The following LAMB4 variants were observed in gnomAD, a reference collection of about 807,000 sequenced individuals.
LAMB4 encodes the protein laminin subunit beta-4.
Under a neutral mutation model 199.2 loss-of-function variants are expected in LAMB4, and 196 were observed. That is an observed-to-expected ratio of 0.98 (90% CI 0.88 to 1.11). The LOEUF is 1.11. Among genes scored for constraint, LAMB4 ranks in the 50% least tolerant of loss-of-function variants. The probability of loss-of-function intolerance (pLI) is 0.00; values close to 1 mark genes in which losing one functional copy is unlikely to be tolerated. For missense variants in LAMB4, 2,080 were observed against 2,171.2 expected (o/e 0.96, Z 0.83); for synonymous variants, 744 against 770.6 (o/e 0.97, Z 0.57).
At chr7:108,124,778 G>T (rs2038721417) in intron 1 of LAMB4, among the ~76,000 whole-genome samples, 1 of 151,906 alleles carries the variant, frequency 6.6e-6, no homozygotes, top group Non-Finnish European at 1.5e-5. Context: ...GCTTTTCCTT[G>T]TGAATCCGTT....
intron 31 of LAMB4, among the ~76,000 whole-genome samples, chr7:108,032,663 G>GC (rs2035079340): frequency 6.6e-6 from 1 of 151,678 alleles, no homozygotes; most frequent in South Asian, 2.1e-4. Context: ...CCCAACCCAG[G>GC]GGCAAGTTTT....
At chr7:108,012,936 A>G in the LAMB4 span, among the ~76,000 whole-genome samples, 2 of 152,150 alleles carry the variant, frequency 1.3e-5, no homozygotes, top group African/African-American at 4.8e-5. Flanking sequence ...ATGGCACTTC[A>G]CATGTGGAGC....
At chr7:108,067,603 GC>G (rs1307729795) in intron 19 of LAMB4, among the ~76,000 whole-genome samples, 1 of 152,218 alleles carries the variant, frequency 6.6e-6, no homozygotes, top group Non-Finnish European at 1.5e-5. Flanking sequence ...TGTGGTGACA[GC>G]ATTGTCCCTT....
rs775993185 is a variant in LAMB4, at chr7:108,104,620, C to A, written c.871-1G>T. On this transcript the variant is annotated splice_acceptor_variant, in intron 8 of 33. Coordinates refer to ENST00000388781, the MANE Select transcript of LAMB4 (RefSeq NM_007356.3). LOFTEE classifies it high-confidence loss of function. ...GCTGACACACACACTGACCGTGAACCTGCATTGTGCAATAAATAGAGCGTT... is the reference window on the plus strand; with the variant it reads ...GCTGACACACACACTGACCGTGAACATGCATTGTGCAATAAATAGAGCGTT... 2.5e-6 allele frequency: 4 copies of A among 1,613,818 alleles called. No homozygotes were observed. The South Asian group carries it at 4.4e-5, about 18-fold the overall frequency.
chr7:108,087,130 G>A (rs1391812935), intron 14 of LAMB4, among the ~76,000 whole-genome samples: 2 of 152,140 alleles, frequency 1.3e-5, no homozygotes, highest in African/African-American at 2.4e-5. Flanking sequence ...TGTCCACGAA[G>A]CCTTCTCTGA....
chr7:108,046,975 C>T (rs1315611014), intron 28 of LAMB4, among the ~76,000 whole-genome samples: 2 of 151,604 alleles, frequency 1.3e-5, no homozygotes, highest in Non-Finnish European at 2.9e-5. Flanking sequence ...CTGTGTTTCC[C>T]AGGCAGGTCT....
At chr7:108,115,899 A>G in intron 3 of LAMB4, 105 bp downstream of exon 3, 1 of 1,246,512 alleles carries the variant, frequency 8.0e-7, no homozygotes, top group Admixed American at 2.2e-5. Flanking sequence ...ATTGTTTAAA[A>G]AGGAAGTTGT....
rs183941652 is a variant in LAMB4, at chr7:108,110,084, C to T, written c.329-840G>A. On this transcript the variant is annotated intron_variant, in intron 4 of 33. Transcript: ENST00000388781. ...TCGCTCTGTCCCCCAGACTGGAGTG[C>T]AGTGGCAGGATCTTGGCTCACTGCA... Among the ~76,000 whole-genome samples, 134 of 152,312 alleles carry T rather than the reference C, an allele frequency of 8.8e-4. 1 individual carries two copies. Among genetic ancestry groups the T allele is most frequent in the African/African-American group, 3.1e-3 (129 of 41,570 alleles).
At chr7:108,020,071 C>T (rs564788951), downstream of LAMB4, among the ~76,000 whole-genome samples, 17 of 152,262 alleles carry the variant, frequency 1.1e-4, no homozygotes, top group African/African-American at 3.4e-4. Context: ...CTGACTCCTC[C>T]CCTCACTTAT....
rs775370756 is a variant in LAMB4, at chr7:108,062,831, T to C, written c.3225A>G (p.Arg1075=). ...GGTCACAGTCACATGACTGACATCCTCTGCCAGGGACCAGATTCCAGTATC... is the reference window on the plus strand; with the variant it reads ...GGTCACAGTCACATGACTGACATCCCCTGCCAGGGACCAGATTCCAGTATC... ...ADGYWNLVPG[R]GCQSCDCDPR... Residue 1075 remains arginine, a synonymous_variant, in exon 23 of 34, where the codon AGA becomes AGG. Transcript: ENST00000388781. 3 of 1,555,302 alleles carry C rather than the reference T, an allele frequency of 1.9e-6. No individual in the cohort carries two copies. The Admixed American group carries it at 6.0e-5, about 31-fold the overall frequency.
chr7:108,069,643 T>C (rs1563064288), intron 18 of LAMB4, 65 bp downstream of exon 18: 2 of 1,462,130 alleles, frequency 1.4e-6, no homozygotes, highest in Admixed American at 2.0e-5. Context: ...CATAAATTGA[T>C]TTGCTCCAAA....
chr7:108,098,454 A>C lies in LAMB4; in HGVS notation c.1309T>G (p.Cys437Gly), dbSNP rs1001087660. 1.9e-6 allele frequency: 3 copies of C among 1,547,110 alleles called. No individual in the cohort carries two copies. Among genetic ancestry groups the C allele is most frequent in the East Asian group, 4.6e-5 (2 of 43,250 alleles). ...CTTAGTCCGTAGTGGTTGGGTTTGC[A>C]CTGGTCGCATTTGGCTCCTTCCACG... The part of the protein sequence containing the change: ...ENVEGAKCDQ[C>G]KPNHYGLSAT... Residue 437 changes from cysteine (C) to glycine (G), a missense_variant, in exon 11 of 34, where the codon TGC becomes GGC. By Grantham distance (159) the Cys-to-Gly change is radical. Coordinates refer to ENST00000388781, the MANE Select transcript of LAMB4 (RefSeq NM_007356.3).
At chr7:108,093,833 CA>C (rs1199641268) in intron 12 of LAMB4, among the ~76,000 whole-genome samples, 1 of 152,070 alleles carries the variant, frequency 6.6e-6, no homozygotes, top group African/African-American at 2.4e-5. Context: ...TGATTTTACT[CA>C]AAAAGGTGTC....
chr7:108,045,940 T>A (rs930376417), intron 28 of LAMB4, among the ~76,000 whole-genome samples: 1 of 149,936 alleles, frequency 6.7e-6, no homozygotes, highest in Non-Finnish European at 1.5e-5. Context: ...TGTGTGTGCA[T>A]GTGTGTGTGT....
chr7:108,029,958 A>G (rs774916998), intron 32 of LAMB4, among the ~76,000 whole-genome samples: 5 of 152,130 alleles, frequency 3.3e-5, no homozygotes, highest in Non-Finnish European at 5.9e-5. Context: ...TCTCTACTAA[A>G]AATACAAAAA....
At position 108,065,591 on chromosome 7, in the gene LAMB4, G is replaced by A. The variant is rs114084142; in HGVS notation, c.2836+171C>T. Among the ~76,000 whole-genome samples, 995 of 152,206 alleles carry A rather than the reference G, an allele frequency of 6.5e-3. 11 individuals carry two copies. The highest frequency in any genetic ancestry group is 0.023 in the African/African-American group (939 of 41,526). ...TGAGTTTTAATTGTCATTGGTTTGT[G>A]AATCATTCAAATTCTTTGTTCAATA... On this transcript the variant is annotated intron_variant, in intron 21 of 33. Transcript: ENST00000388781.
In LAMB4 at chr7:108,037,376, T is replaced by C. The variant is rs757824381; in HGVS notation, c.4679+12A>G. On this transcript the variant is annotated intron_variant, in intron 30 of 33. Transcript: ENST00000388781. ...TGTTAGAGCAAGATAAGAATATTAA[T>C]ACAGTACTTACTCAGCTGCTTTGGC... 1 of 1,599,198 alleles carries C rather than the reference T, an allele frequency of 6.3e-7. No homozygotes were observed. Among genetic ancestry groups the C allele is most frequent in the Non-Finnish European group, 8.6e-7 (1 of 1,166,714 alleles).
intron 17 of LAMB4, among the ~76,000 whole-genome samples, chr7:108,071,743 C>A (rs1188404234): frequency 6.6e-6 from 1 of 152,178 alleles, no homozygotes; most frequent in East Asian, 1.9e-4. Context: ...GTTCCCCTGC[C>A]ACTTCCCTAA....
rs771615052 is a variant in LAMB4 at position 108,107,798 on chromosome 7, A to G, written c.424T>C (p.Leu142=). 5 of 1,593,648 alleles carry G rather than the reference A, an allele frequency of 3.1e-6. No individual in the cohort carries two copies. The highest frequency in any genetic ancestry group is 2.3e-5 in the South Asian group (2 of 86,292). The part of the protein sequence containing the change: ...TFKTFRPAAM[L]VERSTDYGHN... ...CCATAGTCTGTGGAACGTTCAACTA[A>G]CATTGCAGCAGGCCGAAAAGTCTAG... is the stretch of plus-strand genomic sequence containing the variant. Residue 142 remains leucine, a synonymous_variant, in exon 6 of 34, where the codon TTA becomes CTA. Coordinates refer to ENST00000388781, the MANE Select transcript of LAMB4 (RefSeq NM_007356.3).
Sources: gnomAD v4.1 joint callset for allele counts (sites outside exome capture counted in the v4.1 genomes callset) on GRCh38, gnomAD v4.1.1 for gene constraint, MANE v1.5 for transcripts, NCBI Gene and HGNC (gene_info 2026-07-23, HGNC 2026-07-21) for gene names.